DDHD1: variants seen among roughly 807,000 people sequenced by gnomAD.
The protein encoded by DDHD1 is phospholipase DDHD1.
Under a neutral mutation model 96.4 loss-of-function variants are expected in DDHD1, and 49 were observed. That is an observed-to-expected ratio of 0.51 (90% CI 0.40 to 0.64). The LOEUF (loss-of-function observed/expected upper bound fraction) is 0.64, where lower values mean the gene tolerates loss of function less well. Among genes scored for constraint, DDHD1 ranks in the 30% least tolerant of loss-of-function variants. DDHD1 has a pLI of 0.00. For missense variants in DDHD1, 1,106 were observed against 1,161.2 expected (o/e 0.95, Z 0.69); for synonymous variants, 442 against 446.5 (o/e 0.99, Z 0.13).
At chr14:53,096,705 G>T (rs79812050) in intron 2 of DDHD1, among the ~76,000 whole-genome samples, 1 of 151,772 alleles carries the variant, frequency 6.6e-6, no homozygotes, top group African/African-American at 2.4e-5. Context: ...TTCCACTGCT[G>T]AAGTATAATG....
Position 53,152,811 on chromosome 14 carries a change from C to T in DDHD1, c.288G>A (p.Ser96=). 1 of 1,610,142 alleles carries T rather than the reference C, an allele frequency of 6.2e-7. No homozygotes were observed. Among genetic ancestry groups the T allele is most frequent in the Non-Finnish European group, 8.5e-7 (1 of 1,179,094 alleles). ...CGCTGTAGTAGCGCAGCGAGGAGCCCGACTCGGCGGAGCTGAAGTCATAGT... is the reference window on the plus strand; with the variant it reads ...CGCTGTAGTAGCGCAGCGAGGAGCCTGACTCGGCGGAGCTGAAGTCATAGT... ...DENYDFSSAE[S]GSSLRYYSEG... Residue 96 remains serine (S), a synonymous_variant, in exon 1 of 13, where the codon TCG becomes TCA. Coordinates refer to ENST00000673822, the MANE Select transcript of DDHD1 (RefSeq NM_001160148.2).
chr14:53,109,131 C>T (rs879908790), intron 1 of DDHD1, among the ~76,000 whole-genome samples: 5 of 152,102 alleles, frequency 3.3e-5, no homozygotes, highest in Admixed American at 3.3e-4. Context: ...CCTTGTTTCT[C>T]TTTCATTTCT....
chr14:53,048,012 T>C (rs148775536), intron 12 of DDHD1, among the ~76,000 whole-genome samples: 4 of 152,164 alleles, frequency 2.6e-5, no homozygotes, highest in African/African-American at 9.6e-5. Context: ...AAGAAGGAGA[T>C]TGGAGAAAAA....
intron 4 of DDHD1, among the ~76,000 whole-genome samples, chr14:53,085,341 A>G (rs1363049136): frequency 9.2e-5 from 14 of 152,140 alleles, no homozygotes; most frequent in Admixed American, 7.2e-4. Context: ...CCTGACCCCT[A>G]TGCAGCCTAA....
intron 2 of DDHD1, chr14:53,096,182 AGAGAAGGGAGG>A: frequency 3.0e-6 from 3 of 985,270 alleles, no homozygotes; most frequent in Non-Finnish European, 2.4e-6. Context: ...CCATTTGAAC[AGAGAAGGGAGG>A]GAGAAGGGAG....
chr14:53,096,455 CTGAT>C (rs1434767749), intron 2 of DDHD1, among the ~76,000 whole-genome samples: 3 of 151,900 alleles, frequency 2.0e-5, no homozygotes, highest in Non-Finnish European at 4.4e-5. Context: ...TTAAAAACAA[CTGAT>C]TATCATGTTT....
chr14:53,111,508 A>G (rs1431553218), intron 1 of DDHD1, among the ~76,000 whole-genome samples: 6 of 152,224 alleles, frequency 3.9e-5, no homozygotes, highest in Non-Finnish European at 8.8e-5. Flanking sequence ...GAAAGACAAA[A>G]GGCAGCTTGG....
rs1224181598 is a variant in DDHD1 at position 53,129,208 on chromosome 14, T to C, written c.838+23053A>G. Among the ~76,000 whole-genome samples, 8 of 152,290 alleles carry C rather than the reference T, an allele frequency of 5.3e-5. No individual in the cohort carries two copies. The East Asian group carries it at 9.7e-4, about 18-fold the overall frequency. ...CGAAGACCCGGGACAGGGGGACTCC[T>C]TTGGGAGACCAGCCCCCTGTCCTTG... is the stretch of plus-strand genomic sequence containing the variant. On this transcript the variant is annotated intron_variant, in intron 1 of 12. Transcript: ENST00000673822.
chr14:53,049,459 G>T (rs755373693), intron 12 of DDHD1, among the ~76,000 whole-genome samples: 23 of 152,058 alleles, frequency 1.5e-4, no homozygotes, highest in Non-Finnish European at 2.9e-4. Context: ...CTTTTAGGTA[G>T]ATGACAGATT....
chr14:53,042,628 A>G lies in DDHD1; in HGVS notation c.*4140T>C, dbSNP rs891736992. 2.0e-5 allele frequency: 3 copies of G among 152,218 alleles called. No individual in the cohort carries two copies. Among genetic ancestry groups the G allele is most frequent in the African/African-American group, 7.2e-5 (3 of 41,454 alleles). 9.4% of individuals were successfully genotyped at this position (152,218 alleles called of 1,614,324 possible). A position where few individuals can be genotyped will look rare whatever the true frequency, so the allele number is the denominator to read the frequency against. On this transcript the variant is annotated 3_prime_UTR_variant, in exon 13 of 13. Coordinates refer to ENST00000673822, the MANE Select transcript of DDHD1 (RefSeq NM_001160148.2). ...TAACCCAGGCTGTCACCAACTTAGC[A>G]CTAACATTTACTAAATGAGACCTTT... is the stretch of plus-strand genomic sequence containing the variant.
intron 4 of DDHD1, among the ~76,000 whole-genome samples, chr14:53,078,886 C>T (rs964427181): frequency 5.9e-5 from 9 of 152,178 alleles, no homozygotes; most frequent in African/African-American, 2.2e-4. Context: ...TCTTCTGTTT[C>T]TAATTTCCCG....
At chr14:53,085,021 T>C (rs1885819034) in intron 4 of DDHD1, among the ~76,000 whole-genome samples, 1 of 152,328 alleles carries the variant, frequency 6.6e-6, no homozygotes, top group Admixed American at 6.5e-5. Context: ...TGCTCATTGC[T>C]AGTGCAGCAG....
chr14:53,128,773 A>G (rs1245984143), intron 1 of DDHD1, among the ~76,000 whole-genome samples: 8 of 152,218 alleles, frequency 5.3e-5, no homozygotes, highest in African/African-American at 1.9e-4. Context: ...AAGCTGAGCC[A>G]TCATATCCCC....
chr14:53,096,408 T>G (rs947157814), intron 2 of DDHD1, among the ~76,000 whole-genome samples: 2 of 152,036 alleles, frequency 1.3e-5, no homozygotes, highest in Admixed American at 6.6e-5. Flanking sequence ...ATAGCTGCTG[T>G]TACTGAAAGA....
chr14:53,118,512 C>T (rs1202093371), intron 1 of DDHD1, among the ~76,000 whole-genome samples: 1 of 152,094 alleles, frequency 6.6e-6, no homozygotes, highest in Admixed American at 6.5e-5. Flanking sequence ...CTTCGGGACC[C>T]ATGCATAAGC....
intron 1 of DDHD1, among the ~76,000 whole-genome samples, chr14:53,106,437 T>A (rs769040681): frequency 6.6e-6 from 1 of 152,064 alleles, no homozygotes; most frequent in Non-Finnish European, 1.5e-5. Flanking sequence ...GCCAGGTGGA[T>A]CACTTGAGGC....
intron 1 of DDHD1, among the ~76,000 whole-genome samples, chr14:53,148,245 G>A (rs1383210876): frequency 6.6e-6 from 1 of 151,980 alleles, no homozygotes; most frequent in Non-Finnish European, 1.5e-5. Flanking sequence ...TATTAGTTTA[G>A]TCAATGAATA....
chr14:53,071,029 T>C (rs760582494), intron 6 of DDHD1, among the ~76,000 whole-genome samples: 10 of 152,184 alleles, frequency 6.6e-5, no homozygotes, highest in Non-Finnish European at 1.2e-4. Flanking sequence ...AATGATTTGA[T>C]ATTATAGTAC....
chr14:53,074,649 C>T lies in DDHD1; in HGVS notation c.1290-802G>A, dbSNP rs1179897157. ...AAATTTTTTTACACTTGTTTAAATT[C>T]AGCTCTAAATACAATCCATGCACTG... On this transcript the variant is annotated intron_variant, in intron 4 of 12. Transcript: ENST00000673822. Among the ~76,000 whole-genome samples, 3 of 151,834 alleles carry T rather than the reference C, an allele frequency of 2.0e-5. 1 individual carries two copies. Among genetic ancestry groups the T allele is most frequent in the Non-Finnish European group, 4.4e-5 (3 of 67,920 alleles).
Sources: gnomAD v4.1 joint callset for allele counts (sites outside exome capture counted in the v4.1 genomes callset) on GRCh38, gnomAD v4.1.1 for gene constraint, MANE v1.5 for transcripts, NCBI Gene and HGNC (gene_info 2026-07-23, HGNC 2026-07-21) for gene names.